The following VWA8 variants were observed in gnomAD, a reference collection of about 807,000 sequenced individuals.
VWA8 encodes von Willebrand factor A domain containing 8.
In VWA8, 221 loss-of-function variants were observed where a neutral mutation model predicts 241.5. The ratio of observed to expected loss-of-function variants is 0.91; its 90% confidence interval spans 0.82 to 1.02. The LOEUF is 1.02. Among genes scored for constraint, VWA8 ranks in the 50% least tolerant of loss-of-function variants. The pLI, the probability that VWA8 is intolerant of heterozygous loss-of-function variation, is 0.00. For synonymous variants in VWA8, 852 were observed against 827.1 expected (o/e 1.03, Z -0.52); for missense variants, 2,322 against 2,328.7 (o/e 1.00, Z 0.06).
At chr13:41,618,445 G>A (rs2044635693) in intron 37 of VWA8, among the ~76,000 whole-genome samples, 1 of 152,160 alleles carries the variant, frequency 6.6e-6, no homozygotes, top group African/African-American at 2.4e-5. Flanking sequence ...TCTGATGGTA[G>A]TTTCTTTTGC....
chr13:41,907,511 C>T, intron 4 of VWA8, 75 bp downstream of exon 4: 1 of 1,313,328 alleles, frequency 7.6e-7, no homozygotes, highest in South Asian at 1.2e-5. Context: ...ATGAGCTACT[C>T]TCTTTCTACT....
chr13:41,937,360 T>C (rs1311803035), intron 2 of VWA8, among the ~76,000 whole-genome samples: 1 of 152,210 alleles, frequency 6.6e-6, no homozygotes, highest in Non-Finnish European at 1.5e-5. Context: ...TTCTTGCAAC[T>C]AGACAGTCCC....
At chr13:41,625,309 A>T (rs1566392484) in intron 37 of VWA8, among the ~76,000 whole-genome samples, 1 of 152,190 alleles carries the variant, frequency 6.6e-6, no homozygotes, top group Non-Finnish European at 1.5e-5. Context: ...ACAAAATGGG[A>T]GAAAATTTTC....
At chr13:41,578,635 A>G (rs191282643) in intron 42 of VWA8, among the ~76,000 whole-genome samples, 1 of 152,340 alleles carries the variant, frequency 6.6e-6, no homozygotes, top group East Asian at 1.9e-4. Flanking sequence ...GTGAAATCCA[A>G]CTTGACAGGG....
intron 24 of VWA8, among the ~76,000 whole-genome samples, chr13:41,722,444 C>T (rs2045400321): frequency 6.6e-6 from 1 of 151,894 alleles, no homozygotes; most frequent in Admixed American, 6.6e-5. Flanking sequence ...TAAGATCTTA[C>T]TTTGATTTAG....
intron 39 of VWA8, among the ~76,000 whole-genome samples, chr13:41,610,530 G>A (rs901437500): frequency 4.0e-5 from 6 of 151,642 alleles, no homozygotes; most frequent in African/African-American, 1.5e-4. Context: ...GCTTTCCTGA[G>A]GGTGTGGCGG....
At chr13:41,876,834 C>T (rs1036899370) in intron 9 of VWA8, among the ~76,000 whole-genome samples, 2 of 152,036 alleles carry the variant, frequency 1.3e-5, no homozygotes, top group South Asian at 4.1e-4. Context: ...GAATACTCTC[C>T]GCAGTTCTGC....
At chr13:41,630,187 G>A (rs888418292) in intron 37 of VWA8, among the ~76,000 whole-genome samples, 4 of 152,122 alleles carry the variant, frequency 2.6e-5, no homozygotes, top group African/African-American at 9.7e-5. Context: ...TGATAATACA[G>A]GTGAGAAGGA....
chr13:41,622,146 C>T (rs2044661053), intron 37 of VWA8, among the ~76,000 whole-genome samples: 1 of 152,110 alleles, frequency 6.6e-6, no homozygotes. Context: ...GGGAGGAGTA[C>T]ATATGTCAAG....
chr13:41,696,265 C>T (rs1056389014), intron 29 of VWA8: 1 of 152,114 alleles, frequency 6.6e-6, no homozygotes, highest in African/African-American at 2.4e-5. Flanking sequence ...CAGAAAAATA[C>T]TTATAACTCA....
chr13:41,633,509 C>T (rs1452239051), intron 37 of VWA8, among the ~76,000 whole-genome samples: 1 of 152,090 alleles, frequency 6.6e-6, no homozygotes, highest in Non-Finnish European at 1.5e-5. Context: ...CTTATGGGGG[C>T]AAGTTAGAAA....
At chr13:41,748,153 G>C (rs2045624839) in intron 21 of VWA8, among the ~76,000 whole-genome samples, 3 of 152,126 alleles carry the variant, frequency 2.0e-5, no homozygotes, top group Admixed American at 6.5e-5. Flanking sequence ...CTATTGATTG[G>C]AATCATTTCA....
intron 9 of VWA8, among the ~76,000 whole-genome samples, chr13:41,868,796 G>A (rs1873439025): frequency 6.9e-6 from 1 of 144,818 alleles, no homozygotes; most frequent in Non-Finnish European, 1.5e-5. Flanking sequence ...GCTGAGGCAA[G>A]AGAATGGCGT....
intron 37 of VWA8, among the ~76,000 whole-genome samples, chr13:41,638,731 T>G (rs1487628227): frequency 2.6e-5 from 4 of 152,204 alleles, no homozygotes; most frequent in Admixed American, 2.0e-4. Flanking sequence ...AGTCAGTGCA[T>G]GTAGATAATC....
chr13:41,897,684 G>T (rs772037014), intron 4 of VWA8, among the ~76,000 whole-genome samples: 1 of 152,102 alleles, frequency 6.6e-6, no homozygotes, highest in Non-Finnish European at 1.5e-5. Context: ...TGTTCCTCCC[G>T]GTGGGCTCGT....
chr13:41,698,536 T>C (rs1413896744), intron 29 of VWA8, among the ~76,000 whole-genome samples: 1 of 152,154 alleles, frequency 6.6e-6, no homozygotes, highest in African/African-American at 2.4e-5. Context: ...TACTGATGGA[T>C]CTCACTGTAT....
chr13:41,766,337 AAT>A (rs2081121759), intron 20 of VWA8, among the ~76,000 whole-genome samples: 2 of 152,336 alleles, frequency 1.3e-5, no homozygotes, highest in Admixed American at 1.3e-4. Flanking sequence ...GAAAGAAAGA[AAT>A]AGAGTAGGAG....
In VWA8 at chr13:41,860,575, A is replaced by G. The variant is rs535827482; in HGVS notation, c.1425+5161T>C. Among the ~76,000 whole-genome samples, 59 of 152,346 alleles carry G rather than the reference A, an allele frequency of 3.9e-4. 1 individual carries two copies. In the South Asian group the frequency reaches 0.012, roughly 32 times the overall value. ...TCTTCCCACCCTTATTCATCCATGC[A>G]TTAATAAACTGAACAGGAAACTGAA... On this transcript the variant is annotated intron_variant, in intron 12 of 44. Coordinates refer to ENST00000379310, the MANE Select transcript of VWA8 (RefSeq NM_015058.2).
At position 41,691,537 on chromosome 13, in the gene VWA8, C is replaced by T. The variant is rs535895422; in HGVS notation, c.3741-92G>A. ...TCATTTCATGATACATTATGCAACC[C>T]ATAAAAAGAATGTTTTAAGATTAAG... On this transcript the variant is annotated intron_variant, in intron 31 of 44. Transcript: ENST00000379310. 20 of 1,419,952 alleles carry T rather than the reference C, an allele frequency of 1.4e-5. No individual in the cohort carries two copies. The East Asian group carries it at 2.5e-4, about 18-fold the overall frequency. The allele number at this position is 1,419,952 out of a possible 1,614,324, so 88.0% of individuals were successfully genotyped here.
Sources: gnomAD v4.1 joint callset for allele counts (sites outside exome capture counted in the v4.1 genomes callset) on GRCh38, gnomAD v4.1.1 for gene constraint, MANE v1.5 for transcripts, NCBI Gene and HGNC (gene_info 2026-07-23, HGNC 2026-07-21) for gene names.